PPARG: variants seen among roughly 807,000 people sequenced by gnomAD.
PPARG encodes peroxisome proliferator activated receptor gamma.
A neutral mutation model predicts 39.2 loss-of-function variants in PPARG; 17 were observed. That is an observed-to-expected ratio of 0.43 (90% CI 0.30 to 0.65). The LOEUF (loss-of-function observed/expected upper bound fraction) is 0.65, where lower values mean the gene tolerates loss of function less well. Ranked by LOEUF, PPARG falls within the 30% of genes least tolerant of loss-of-function variation. The probability of loss-of-function intolerance (pLI) is 0.13; values close to 1 mark genes in which losing one functional copy is unlikely to be tolerated. For synonymous variants in PPARG, 223 were observed against 215.7 expected, an observed-to-expected ratio of 1.03 and a Z score of -0.30; for missense variants, 406 against 585.9, an observed-to-expected ratio of 0.69 and a Z score of 3.17.
chr3:12,429,974 T>A (rs533828205), intron 7 of PPARG, among the ~76,000 whole-genome samples: 6 of 152,192 alleles, frequency 3.9e-5, no homozygotes, highest in Non-Finnish European at 8.8e-5. Flanking sequence ...CTTACTCTGG[T>A]CAATGGGATA....
intron 2 of PPARG, among the ~76,000 whole-genome samples, chr3:12,331,406 G>A (rs1394227462): frequency 1.3e-5 from 2 of 152,170 alleles, no homozygotes; most frequent in Non-Finnish European, 2.9e-5. Context: ...TGTGATGTGG[G>A]AAACAGCTTA....
intron 2 of PPARG, among the ~76,000 whole-genome samples, chr3:12,332,908 C>T (rs570688027): frequency 1.4e-4 from 21 of 152,232 alleles, no homozygotes; most frequent in Admixed American, 9.8e-4. Context: ...GGGATGCATA[C>T]TTGTAGTCCC....
chr3:12,341,079 A>C (rs896484508), intron 2 of PPARG, among the ~76,000 whole-genome samples: 1 of 152,102 alleles, frequency 6.6e-6, no homozygotes, highest in African/African-American at 2.4e-5. Context: ...GCTACTTGGG[A>C]GGCTGAGGCA....
chr3:12,320,394 T>G (rs1455293143), intron 2 of PPARG, among the ~76,000 whole-genome samples: 2 of 152,240 alleles, frequency 1.3e-5, no homozygotes, highest in Non-Finnish European at 1.5e-5. Context: ...TGTGTTTTCA[T>G]TAATTTAAGA....
At chr3:12,375,245 G>GGA (rs141166078) in intron 2 of PPARG, among the ~76,000 whole-genome samples, 3,641 of 147,888 alleles carry the variant, frequency 0.025, 132 homozygotes, top group African/African-American at 0.078. Context: ...TGGGGAGGTG[G>GGA]GAGAGAGAGA....
Position 12,372,078 on chromosome 3 carries a change from C to T in PPARG, c.-8-7626C>T, listed in dbSNP as rs528774542. 142 of 720,874 alleles carry T rather than the reference C, an allele frequency of 2.0e-4. No homozygotes were observed. The African/African-American group carries it at 2.2e-3, about 11-fold the overall frequency. 44.7% of individuals were successfully genotyped at this position (720,874 alleles called of 1,614,324 possible). On this transcript the variant is annotated intron_variant, in intron 2 of 7. Transcript: ENST00000651735. Reference sequence around the variant, plus strand: ...AAGTGTCTTTTAAGGTCATTTCCAACAAAACTACAAAGGACCTATGAAAGG... The same window carrying T: ...AAGTGTCTTTTAAGGTCATTTCCAATAAAACTACAAAGGACCTATGAAAGG...
At chr3:12,350,457 G>A (rs189733094) in intron 2 of PPARG, among the ~76,000 whole-genome samples, 2 of 152,244 alleles carry the variant, frequency 1.3e-5, no homozygotes, top group East Asian at 1.9e-4. Flanking sequence ...AGAATATCAC[G>A]ATAAGTATAA....
intron 2 of PPARG, among the ~76,000 whole-genome samples, chr3:12,368,684 T>A (rs1037481682): frequency 1.3e-5 from 2 of 152,228 alleles, no homozygotes; most frequent in African/African-American, 4.8e-5. Context: ...AAGCACTTAA[T>A]AATTGTTAGC....
chr3:12,343,140 A>G (rs1354149170), intron 2 of PPARG, among the ~76,000 whole-genome samples: 1 of 152,016 alleles, frequency 6.6e-6, no homozygotes, highest in Non-Finnish European at 1.5e-5. Flanking sequence ...GTGTTGATCT[A>G]AATCACTGCC....
At chr3:12,409,875 C>T (rs1444894769) in intron 6 of PPARG, among the ~76,000 whole-genome samples, 1 of 152,212 alleles carries the variant, frequency 6.6e-6, no homozygotes, top group East Asian at 1.9e-4. Context: ...CAGACCAGGA[C>T]TCCTTCCCCT....
At chr3:12,359,902 A>ATCTCAAGTGATCCG (rs2048786271) in intron 2 of PPARG, among the ~76,000 whole-genome samples, 3 of 152,070 alleles carry the variant, frequency 2.0e-5, no homozygotes, top group African/African-American at 7.2e-5. Context: ...CAAACTCCTG[A>ATCTCAAGTGATCCG]TCTCAAGTGA....
intron 2 of PPARG, among the ~76,000 whole-genome samples, chr3:12,350,511 C>T (rs1340911959): frequency 1.3e-5 from 2 of 152,146 alleles, no homozygotes; most frequent in Non-Finnish European, 2.9e-5. Flanking sequence ...TGTGTGGGGG[C>T]GTCTTTGAAA....
chr3:12,317,363 A>C (rs1352874133), intron 2 of PPARG, among the ~76,000 whole-genome samples: 1 of 152,214 alleles, frequency 6.6e-6, no homozygotes, highest in East Asian at 1.9e-4. Flanking sequence ...TCACAACCAC[A>C]CAAAAAAACT....
chr3:12,422,235 G>A (rs2051288182), intron 7 of PPARG, among the ~76,000 whole-genome samples: 1 of 152,250 alleles, frequency 6.6e-6, no homozygotes, highest in African/African-American at 2.4e-5. Context: ...GCTTCAGTAT[G>A]TGGGAGAATC....
intron 6 of PPARG, 102 bp downstream of exon 6, chr3:12,406,183 A>G: frequency 8.5e-7 from 1 of 1,170,382 alleles, no homozygotes; most frequent in Non-Finnish European, 1.3e-6. Context: ...GCACACACAG[A>G]ATATTGTTCA....
intron 4 of PPARG, among the ~76,000 whole-genome samples, chr3:12,382,328 TA>T (rs1351163986): frequency 1.3e-5 from 2 of 152,220 alleles, no homozygotes; most frequent in Admixed American, 1.3e-4. Flanking sequence ...GCTTAATTAT[TA>T]AGAAAATATG....
intron 6 of PPARG, among the ~76,000 whole-genome samples, chr3:12,408,216 CAATTTTTAG>C (rs2050740887): frequency 6.6e-6 from 1 of 152,160 alleles, no homozygotes; most frequent in African/African-American, 2.4e-5. Context: ...TGTTTTTTCT[CAATTTTTAG>C]AACAGTAGGA....
At chr3:12,361,288 C>T (rs1056514607) in intron 2 of PPARG, among the ~76,000 whole-genome samples, 11 of 152,274 alleles carry the variant, frequency 7.2e-5, no homozygotes, top group Admixed American at 6.5e-4. Context: ...TTGTCAGATA[C>T]ATGTATTGTA....
intron 2 of PPARG, among the ~76,000 whole-genome samples, chr3:12,328,562 G>A (rs1335206201): frequency 6.6e-6 from 1 of 152,198 alleles, no homozygotes; most frequent in Non-Finnish European, 1.5e-5. Flanking sequence ...AGGAAGCTCT[G>A]CCTGAGCTTT....
Sources: allele counts gnomAD v4.1 joint callset (sites outside exome capture counted in the v4.1 genomes callset), GRCh38; gene constraint gnomAD v4.1.1; transcripts MANE v1.5; gene names NCBI Gene and HGNC (gene_info 2026-07-23, HGNC 2026-07-21).